Variants in MSTO1 observed in about 807,000 individuals in gnomAD.
The protein encoded by MSTO1 is misato mitochondrial distribution and morphology regulator 1.
In MSTO1, 24 loss-of-function variants were observed where a neutral mutation model predicts 55.7. The observed-to-expected ratio is 0.43, with a 90% CI of 0.31 to 0.61. The LOEUF is 0.61. Among genes scored for constraint, MSTO1 ranks in the 20% least tolerant of loss-of-function variants. The probability of loss-of-function intolerance (pLI) is 0.09; values close to 1 mark genes in which losing one functional copy is unlikely to be tolerated. For missense variants in MSTO1, 363 were observed against 625.7 expected, an observed-to-expected ratio of 0.58 and a Z score of 4.48; for synonymous variants, 162 against 252.8, an observed-to-expected ratio of 0.64 and a Z score of 3.41.
the MSTO1 span, among the ~76,000 whole-genome samples, chr1:155,579,751 T>G: frequency 1.6e-4 from 24 of 152,144 alleles, no homozygotes; most frequent in Non-Finnish European, 2.9e-4. Context: ...GTAGCACTGA[T>G]TTAGTTCTGA....
the MSTO1 span, among the ~76,000 whole-genome samples, chr1:155,600,655 C>G: frequency 6.6e-6 from 1 of 152,122 alleles, no homozygotes; most frequent in South Asian, 2.1e-4. Context: ...TCAAGCGATT[C>G]TCCTGCCTTA....
At chr1:155,563,384 C>G in the MSTO1 span, 8 of 456,500 alleles carry the variant, frequency 1.8e-5, no homozygotes, top group South Asian at 1.2e-4. Flanking sequence ...GAGCGGGACT[C>G]CGGACCTCCA....
the MSTO1 span, among the ~76,000 whole-genome samples, chr1:155,582,160 G>A: frequency 1.3e-5 from 2 of 152,076 alleles, no homozygotes; most frequent in Non-Finnish European, 2.9e-5. Flanking sequence ...CAAAGTGCTG[G>A]GATTACAGGC....
At chr1:155,576,326 GTTTTGT>G in the MSTO1 span, among the ~76,000 whole-genome samples, 18 of 151,982 alleles carry the variant, frequency 1.2e-4, no homozygotes, top group Admixed American at 9.8e-4. Context: ...GTTTTGTTCT[GTTTTGT>G]TTTTGTTTTT....
rs139277693 is a variant in MSTO1 at position 155,614,766 on chromosome 1, C to T, written c.*493C>T. The T allele has an allele frequency of 0.021, 32,259 of 1,559,824 alleles. 444 individuals carry two copies. Among genetic ancestry groups the T allele is most frequent in the Middle Eastern group, 0.05 (301 of 5,964 alleles). On this transcript the variant is annotated 3_prime_UTR_variant, in exon 14 of 14. Coordinates refer to ENST00000245564, the MANE Select transcript of MSTO1 (RefSeq NM_018116.4). ...CAGACAGAAGGTCCCCATGGTCAGA[C>T]AGCTGGTCTGCATTGCTGGTACTGG...
chr1:155,600,696 C>T, the MSTO1 span, among the ~76,000 whole-genome samples: 1 of 151,972 alleles, frequency 6.6e-6, no homozygotes, highest in Admixed American at 6.6e-5. Context: ...TACAGGCATG[C>T]ACCACCACAT....
At chr1:155,565,940 G>A in the MSTO1 span, 1 of 152,182 alleles carries the variant, frequency 6.6e-6, no homozygotes, top group South Asian at 2.1e-4. Context: ...TATGTTACAT[G>A]ACCAGGGAAA....
At chr1:155,591,234 C>G in the MSTO1 span, 21 of 1,609,676 alleles carry the variant, frequency 1.3e-5, no homozygotes, top group East Asian at 4.7e-4. Flanking sequence ...CAGGACGACT[C>G]CCAGGATCTG....
the MSTO1 span, among the ~76,000 whole-genome samples, chr1:155,569,552 C>T: frequency 0.02 from 3,050 of 151,358 alleles, 102 homozygotes; most frequent in African/African-American, 0.071. Context: ...ATTCTACTGC[C>T]GCAGCCTCCC....
the MSTO1 span, among the ~76,000 whole-genome samples, chr1:155,596,566 C>G: frequency 1.6e-4 from 24 of 152,184 alleles, no homozygotes; most frequent in Admixed American, 3.9e-4. Context: ...GGGAGGATCA[C>G]TTGAGCCCAA....
At chr1:155,599,557 C>T in the MSTO1 span, among the ~76,000 whole-genome samples, 1 of 152,146 alleles carries the variant, frequency 6.6e-6, no homozygotes, top group Non-Finnish European at 1.5e-5. Context: ...GGTTGCCCCT[C>T]CACACCTGTG....
chr1:155,578,409 G>T, the MSTO1 span, among the ~76,000 whole-genome samples: 1 of 119,904 alleles, frequency 8.3e-6, no homozygotes, highest in African/African-American at 3.1e-5. Context: ...TGCAGTCTTG[G>T]CTCACTGCAA....
At chr1:155,572,907 C>T in the MSTO1 span, among the ~76,000 whole-genome samples, 2 of 152,038 alleles carry the variant, frequency 1.3e-5, no homozygotes, top group African/African-American at 4.8e-5. Context: ...GCCCTGGCCT[C>T]CCAAAGTGCT....
the MSTO1 span, among the ~76,000 whole-genome samples, chr1:155,587,515 G>A: frequency 1.3e-5 from 2 of 150,670 alleles, no homozygotes; most frequent in African/African-American, 2.4e-5. Flanking sequence ...AGGCCGAGGC[G>A]GGTGGATCAC....
At chr1:155,586,003 G>T in the MSTO1 span, among the ~76,000 whole-genome samples, 16 of 152,216 alleles carry the variant, frequency 1.1e-4, no homozygotes, top group East Asian at 2.3e-3. Flanking sequence ...CCATATTGAT[G>T]AATGTAATGG....
At chr1:155,576,337 GTTTTTGT>G in the MSTO1 span, among the ~76,000 whole-genome samples, 1 of 151,778 alleles carries the variant, frequency 6.6e-6, no homozygotes, top group Admixed American at 6.6e-5. Context: ...TTTTGTTTTT[GTTTTTGT>G]TTTTTGAGAC....
the MSTO1 span, among the ~76,000 whole-genome samples, chr1:155,578,505 ATCTTTTT>A: frequency 7.7e-6 from 1 of 130,204 alleles, no homozygotes. Context: ...CGCCCGGCTA[ATCTTTTT>A]TTTTTTTTTT....
At chr1:155,608,498 T>G (rs1054338753), upstream of MSTO1, among the ~76,000 whole-genome samples, 3 of 139,454 alleles carry the variant, frequency 2.2e-5, no homozygotes, top group African/African-American at 8.6e-5. Flanking sequence ...CCTTATCTCT[T>G]TTTTTTTTTT....
At chr1:155,585,114 A>C in the MSTO1 span, among the ~76,000 whole-genome samples, 1 of 152,190 alleles carries the variant, frequency 6.6e-6, no homozygotes, top group African/African-American at 2.4e-5. Flanking sequence ...GTCAGGGACT[A>C]TAACAGTTTG....
Sources: gnomAD v4.1 joint callset for allele counts (sites outside exome capture counted in the v4.1 genomes callset) on GRCh38, gnomAD v4.1.1 for gene constraint, MANE v1.5 for transcripts, NCBI Gene and HGNC (gene_info 2026-07-23, HGNC 2026-07-21) for gene names.